C1orf21: variants seen among roughly 807,000 people sequenced by gnomAD.
C1orf21 encodes the protein uncharacterized protein C1orf21.
A neutral mutation model predicts 18.7 loss-of-function variants in C1orf21; 3 were observed. The observed-to-expected ratio is 0.16, with a 90% confidence interval of 0.07 to 0.42. C1orf21 has a LOEUF of 0.42. Ranked by LOEUF, C1orf21 falls within the 10% of genes least tolerant of loss-of-function variation. C1orf21 has a pLI of 0.99. For synonymous variants in C1orf21, 41 were observed against 46.4 expected (o/e 0.88, Z 0.47); for missense variants, 104 against 143.6 (o/e 0.72, Z 1.41).
At chr1:184,467,903 C>CA (rs1422002993) in intron 1 of C1orf21, among the ~76,000 whole-genome samples, 1 of 152,076 alleles carries the variant, frequency 6.6e-6, no homozygotes, top group Non-Finnish European at 1.5e-5. Flanking sequence ...CCCAGAGACA[C>CA]AAAACATCTT....
At chr1:184,519,619 G>T (rs1247015251) in intron 3 of C1orf21, among the ~76,000 whole-genome samples, 2 of 152,182 alleles carry the variant, frequency 1.3e-5, no homozygotes, top group Non-Finnish European at 2.9e-5. Flanking sequence ...TAACACAGTG[G>T]TGTTACTTTC....
chr1:184,408,613 A>G (rs543157285), intron 1 of C1orf21, among the ~76,000 whole-genome samples: 218 of 152,274 alleles, frequency 1.4e-3, no homozygotes, highest in Admixed American at 5.4e-3. Flanking sequence ...GTCATTTGTT[A>G]GGGCCTGGAG....
intron 1 of C1orf21, among the ~76,000 whole-genome samples, chr1:184,475,490 C>A (rs1342613437): frequency 2.6e-5 from 4 of 152,150 alleles, no homozygotes; most frequent in Non-Finnish European, 4.4e-5. Flanking sequence ...ACCTTTGATA[C>A]CCTACAAAAA....
chr1:184,566,833 G>A (rs1659041593), intron 3 of C1orf21: 8 of 481,912 alleles, frequency 1.7e-5, no homozygotes, highest in Non-Finnish European at 4.2e-6. Context: ...AAAGACTAGA[G>A]TCTCACATCC....
At chr1:184,527,077 A>G (rs1487488226) in intron 3 of C1orf21, among the ~76,000 whole-genome samples, 1 of 152,214 alleles carries the variant, frequency 6.6e-6, no homozygotes, top group East Asian at 1.9e-4. Flanking sequence ...TTATGCTCTC[A>G]TTTAGCTAAA....
intron 3 of C1orf21, among the ~76,000 whole-genome samples, chr1:184,512,066 C>G (rs1362521855): frequency 6.6e-6 from 1 of 152,222 alleles, no homozygotes; most frequent in African/African-American, 2.4e-5. Flanking sequence ...AAGAAAGCCT[C>G]TTAAGACTCC....
intron 1 of C1orf21, among the ~76,000 whole-genome samples, chr1:184,433,075 C>T (rs2101971659): frequency 6.6e-6 from 1 of 152,280 alleles, no homozygotes; most frequent in Non-Finnish European, 1.5e-5. Context: ...CTGAGCTGTC[C>T]CCAGACATAG....
chr1:184,396,004 G>C (rs985990653), intron 1 of C1orf21, among the ~76,000 whole-genome samples: 2 of 152,132 alleles, frequency 1.3e-5, no homozygotes, highest in African/African-American at 4.8e-5. Context: ...TGGGGATAAA[G>C]GGGTTTGGGG....
At chr1:184,545,128 T>G (rs1035836536) in intron 3 of C1orf21, among the ~76,000 whole-genome samples, 5 of 152,180 alleles carry the variant, frequency 3.3e-5, no homozygotes, top group Admixed American at 1.3e-4. Flanking sequence ...GGTGTGAATC[T>G]TAGAAGCTGG....
chr1:184,450,015 G>A (rs1032107498), intron 1 of C1orf21, among the ~76,000 whole-genome samples: 3 of 152,186 alleles, frequency 2.0e-5, no homozygotes, highest in Admixed American at 6.5e-5. Context: ...ACACAAGACG[G>A]AGGGAGGTAT....
intron 1 of C1orf21, among the ~76,000 whole-genome samples, chr1:184,414,177 G>T (rs1233089200): frequency 6.6e-6 from 1 of 152,098 alleles, no homozygotes; most frequent in Non-Finnish European, 1.5e-5. Context: ...TATTGCTCAG[G>T]CTGGAGTGGT....
At chr1:184,451,035 G>A (rs1411986496) in intron 1 of C1orf21, among the ~76,000 whole-genome samples, 5 of 152,082 alleles carry the variant, frequency 3.3e-5, no homozygotes, top group African/African-American at 4.8e-5. Context: ...ATGCCATCAC[G>A]CCCAGCTAAT....
chr1:184,533,856 T>G (rs896269654), intron 3 of C1orf21, among the ~76,000 whole-genome samples: 2 of 152,184 alleles, frequency 1.3e-5, no homozygotes, highest in African/African-American at 4.8e-5. Context: ...ACATTTGGTG[T>G]GTACGTCTCT....
intron 3 of C1orf21, among the ~76,000 whole-genome samples, chr1:184,557,267 A>G (rs758633656): frequency 2.0e-5 from 3 of 152,014 alleles, no homozygotes; most frequent in Non-Finnish European, 2.9e-5. Flanking sequence ...TTTTAATTCA[A>G]TAGGTTTTGT....
chr1:184,588,004 A>G (rs761498117), intron 3 of C1orf21, among the ~76,000 whole-genome samples: 1 of 152,216 alleles, frequency 6.6e-6, no homozygotes, highest in Non-Finnish European at 1.5e-5. Flanking sequence ...AATGGGAAGT[A>G]TGCATAAAGC....
rs1659915860 is a variant in C1orf21 at position 184,621,523 on chromosome 1, A to G, written c.*1967A>G. ...CCCACCTCAAACTTGTTCACTGGGG[A>G]CTTTGCTTACCGTTCTGTGGGTGAC... On this transcript the variant is annotated 3_prime_UTR_variant, in exon 6 of 6. Transcript: ENST00000235307. The G allele has an allele frequency of 6.6e-6, 1 of 152,552 alleles. No homozygotes were observed. The allele number at this position is 152,552 out of a possible 1,614,324, so 9.4% of individuals were successfully genotyped here.
chr1:184,544,659 T>C (rs1309594417), intron 3 of C1orf21, among the ~76,000 whole-genome samples: 1 of 152,248 alleles, frequency 6.6e-6, no homozygotes, highest in African/African-American at 2.4e-5. Flanking sequence ...ACATTACACA[T>C]TACCACAAAA....
At chr1:184,465,141 A>G (rs980739874) in intron 1 of C1orf21, among the ~76,000 whole-genome samples, 6 of 152,324 alleles carry the variant, frequency 3.9e-5, no homozygotes, top group Admixed American at 3.3e-4. Context: ...GGTATATCTT[A>G]GACTTTACCC....
intron 3 of C1orf21, chr1:184,539,887 C>T (rs1405599059): frequency 6.6e-6 from 1 of 152,182 alleles, no homozygotes; most frequent in Non-Finnish European, 1.5e-5. Flanking sequence ...CCATGGTGAC[C>T]TGCAAAGTTC....
Sources: allele counts gnomAD v4.1 joint callset (sites outside exome capture counted in the v4.1 genomes callset), GRCh38; gene constraint gnomAD v4.1.1; transcripts MANE v1.5; gene names NCBI Gene and HGNC (gene_info 2026-07-23, HGNC 2026-07-21).